The following TEAD4 variants were observed in gnomAD, a reference collection of about 807,000 sequenced individuals.
TEAD4 encodes the protein transcriptional enhancer factor TEF-3.
A neutral mutation model predicts 52.4 loss-of-function variants in TEAD4; 36 were observed. That is an observed-to-expected ratio of 0.69 (90% CI 0.53 to 0.91). The LOEUF is 0.91. Ranked by LOEUF, TEAD4 falls within the 40% of genes least tolerant of loss-of-function variation. The probability of loss-of-function intolerance (pLI) is 0.00; values close to 1 mark genes in which losing one functional copy is unlikely to be tolerated. For missense variants in TEAD4, 508 were observed against 583.9 expected (o/e 0.87, Z 1.34); for synonymous variants, 220 against 231.0 (o/e 0.95, Z 0.43).
chr12:3,018,407 A>T, intron 6 of TEAD4, 138 bp from the exon 7 acceptor site: 9 of 921,186 alleles, frequency 9.8e-6, no homozygotes, highest in Non-Finnish European at 1.5e-5. Context: ...GCCTGTTAGC[A>T]TTCACTAGCT....
At chr12:2,989,385 G>A (rs537085550) in intron 2 of TEAD4, among the ~76,000 whole-genome samples, 11 of 152,152 alleles carry the variant, frequency 7.2e-5, no homozygotes, top group Non-Finnish European at 1.0e-4. Flanking sequence ...TAACAATTTG[G>A]TGATGTTATA....
rs78813595 is a variant in TEAD4, at chr12:3,029,892, A to C, written c.897+7875A>C. ...AGCTGTTTTATTGGGGAAATCAATA[A>C]ATATGTGTGTTTACTGGACTTTTTT... is the stretch of plus-strand genomic sequence containing the variant. On this transcript the variant is annotated intron_variant, in intron 10 of 12. Coordinates refer to ENST00000359864, the MANE Select transcript of TEAD4 (RefSeq NM_003213.4). 5.6e-3 allele frequency among the ~76,000 whole-genome samples: 855 copies of C among 152,244 alleles called. 6 individuals carry two copies. Among genetic ancestry groups the C allele is most frequent in the African/African-American group, 0.019 (788 of 41,532 alleles).
intron 9 of TEAD4, among the ~76,000 whole-genome samples, chr12:3,021,468 A>G (rs1476777475): frequency 1.3e-5 from 2 of 151,668 alleles, no homozygotes; most frequent in Non-Finnish European, 2.9e-5. Context: ...CTGCCACCAC[A>G]CCTGGCTAAT....
At chr12:3,018,636 C>T (rs369060986) in intron 7 of TEAD4, 48 bp downstream of exon 7, 4 of 1,612,646 alleles carry the variant, frequency 2.5e-6, no homozygotes, top group African/African-American at 1.3e-5. Flanking sequence ...CTGAACTGAA[C>T]TTGAACCCAT....
intron 2 of TEAD4, among the ~76,000 whole-genome samples, chr12:2,964,090 G>A (rs2098218137): frequency 6.6e-6 from 1 of 152,142 alleles, no homozygotes; most frequent in Non-Finnish European, 1.5e-5. Flanking sequence ...CACATAGGGT[G>A]GGCCTCTGGG....
At chr12:3,037,322 G>C (rs2098280007) in intron 10 of TEAD4, among the ~76,000 whole-genome samples, 1 of 152,178 alleles carries the variant, frequency 6.6e-6, no homozygotes, top group African/African-American at 2.4e-5. Flanking sequence ...GCTGGTGCTG[G>C]GGAGATTGCT....
chr12:2,996,122 CT>C (rs1278779472), intron 3 of TEAD4, among the ~76,000 whole-genome samples: 1 of 152,114 alleles, frequency 6.6e-6, no homozygotes, highest in Admixed American at 6.6e-5. Context: ...AAACAGTGGT[CT>C]TGGGGCAGGA....
chr12:2,979,343 G>C (rs1371789732), intron 2 of TEAD4, among the ~76,000 whole-genome samples: 1 of 152,174 alleles, frequency 6.6e-6, no homozygotes, highest in African/African-American at 2.4e-5. Context: ...TTGACATTCT[G>C]TGCTCAGGAA....
intron 2 of TEAD4, among the ~76,000 whole-genome samples, chr12:2,966,710 G>A (rs1003436650): frequency 4.0e-5 from 6 of 150,966 alleles, no homozygotes; most frequent in Non-Finnish European, 7.4e-5. Flanking sequence ...CATGCCCGGC[G>A]TATTTCTTTT....
At chr12:3,025,544 G>A (rs1054466932) in intron 10 of TEAD4, among the ~76,000 whole-genome samples, 16 of 151,250 alleles carry the variant, frequency 1.1e-4, no homozygotes, top group Non-Finnish European at 2.1e-4. Context: ...TTTGAGACAG[G>A]GTCTTGTTTC....
chr12:3,040,146 C>T lies in TEAD4; in HGVS notation c.1078C>T (p.Arg360Cys), dbSNP rs148295237. Reference sequence around the variant, plus strand: ...CTATGAGAATGGACACTACTCTTACCGCATCCACCGGTCCCCGCTCTGTGA... The same window carrying T: ...CTATGAGAATGGACACTACTCTTACTGCATCCACCGGTCCCCGCTCTGTGA... The change falls in exon 12 of 13, where the codon CGC becomes TGC. Residue 360 changes from arginine (R) to cysteine (C), a missense_variant. Transcript: ENST00000359864. 1.4e-4 allele frequency: 228 copies of T among 1,614,152 alleles called. 1 individual carries two copies. The highest frequency in any genetic ancestry group is 7.3e-4 in the African/African-American group (55 of 75,044).
intron 10 of TEAD4, among the ~76,000 whole-genome samples, chr12:3,030,983 G>T (rs2098275134): frequency 6.6e-6 from 1 of 152,254 alleles, no homozygotes; most frequent in Non-Finnish European, 1.5e-5. Flanking sequence ...TGAGACTCCT[G>T]CAGTGGAGAC....
At chr12:2,985,278 A>G (rs920254340) in intron 2 of TEAD4, among the ~76,000 whole-genome samples, 2 of 151,506 alleles carry the variant, frequency 1.3e-5, no homozygotes, top group African/African-American at 2.4e-5. Flanking sequence ...CCAGCTGCTC[A>G]GGAGGCTGAG....
chr12:3,014,866 T>A lies in TEAD4; in HGVS notation c.355-2532T>A, dbSNP rs558261585. ...TCCAGGAAGGCAGGCACTGAGTAGA[T>A]GCAGCCCCGGCCTCGTGATGGAGTT... On this transcript the variant is annotated intron_variant, in intron 5 of 12. Coordinates refer to ENST00000359864, the MANE Select transcript of TEAD4 (RefSeq NM_003213.4). Among the ~76,000 whole-genome samples the A allele has an allele frequency of 2.0e-5, 3 of 152,218 alleles. No homozygotes were observed. In the South Asian group the frequency reaches 6.2e-4, roughly 32 times the overall value.
chr12:3,007,405 C>T (rs1056572603), intron 3 of TEAD4, among the ~76,000 whole-genome samples: 1 of 152,240 alleles, frequency 6.6e-6, no homozygotes, highest in Non-Finnish European at 1.5e-5. Context: ...AAGAGTCACA[C>T]CTGGGCAGTT....
chr12:2,991,419 T>G (rs917951035), intron 2 of TEAD4, among the ~76,000 whole-genome samples: 1 of 152,198 alleles, frequency 6.6e-6, no homozygotes, highest in African/African-American at 2.4e-5. Flanking sequence ...TTCAGCACTT[T>G]GGGAGGCCGA....
At position 3,018,549 on chromosome 12, in the gene TEAD4, G is replaced by T; in HGVS notation, c.488G>T (p.Trp163Leu). 1 of 1,614,034 alleles carries T rather than the reference G, an allele frequency of 6.2e-7. No homozygotes were observed. Among genetic ancestry groups the T allele is most frequent in the Non-Finnish European group, 8.5e-7 (1 of 1,179,964 alleles). Reference sequence around the variant, plus strand: ...CCATGCCTTTTGCCTCCTCAGTTTTGGCAAGGAGCTTTGCCAGGCCAAGCC... The same window carrying T: ...CCATGCCTTTTGCCTCCTCAGTTTTTGCAAGGAGCTTTGCCAGGCCAAGCC... The change falls in exon 7 of 13, where the codon TGG becomes TTG. Residue 163 changes from tryptophan (W) to leucine (L), a missense_variant. Trp to Leu is a moderately conservative substitution (Grantham distance 61). Transcript: ENST00000359864.
At chr12:2,968,425 C>G (rs1211981001) in intron 2 of TEAD4, among the ~76,000 whole-genome samples, 1 of 88,306 alleles carries the variant, frequency 1.1e-5, no homozygotes, top group African/African-American at 4.5e-5. Context: ...GAGACAGGGT[C>G]TTAACTCTGT....
rs61672018 is a variant in TEAD4, at chr12:2,968,385, C to CTTTTTTTTTTTT, written c.-30+8361_-30+8372dup. On this transcript the variant is annotated intron_variant, in intron 2 of 12. Transcript: ENST00000359864. Reference sequence around the variant, plus strand: ...ACAGGTGTGAGCCACCGCGCCCGGCCTTTTTTTTTTTTTTTTTTTTTTTTT... The same window carrying CTTTTTTTTTTTT: ...ACAGGTGTGAGCCACCGCGCCCGGCCTTTTTTTTTTTTTTTTTTTTTTTTTTTTTTTTTTTTT... Among the ~76,000 whole-genome samples the CTTTTTTTTTTTT allele has an allele frequency of 2.4e-4, 13 of 55,064 alleles. 5 individuals carry two copies. The highest frequency in any genetic ancestry group is 8.6e-4 in the African/African-American group (13 of 15,058). The allele number at this position is 55,064 out of a possible 152,430, so 36.1% of individuals were successfully genotyped here.
Sources: allele counts gnomAD v4.1 joint callset (sites outside exome capture counted in the v4.1 genomes callset), GRCh38; gene constraint gnomAD v4.1.1; transcripts MANE v1.5; gene names NCBI Gene and HGNC (gene_info 2026-07-23, HGNC 2026-07-21).